Variants in ENOX1 observed in about 807,000 individuals in gnomAD.
The protein encoded by ENOX1 is candidate growth-related and time keeping constitutive hydroquinone (NADH) oxidase.
Under a neutral mutation model 82.5 loss-of-function variants are expected in ENOX1, and 42 were observed. That is an observed-to-expected ratio of 0.51 (90% CI 0.40 to 0.66). ENOX1 has a LOEUF of 0.66. Among genes scored for constraint, ENOX1 ranks in the 30% least tolerant of loss-of-function variants. The pLI is 0.00. For missense variants in ENOX1, 608 were observed against 811.6 expected (o/e 0.75, Z 3.05); for synonymous variants, 271 against 282.2 (o/e 0.96, Z 0.40).
chr13:43,548,847 C>T (rs1367196963), intron 2 of ENOX1, among the ~76,000 whole-genome samples: 1 of 152,170 alleles, frequency 6.6e-6, no homozygotes, highest in East Asian at 1.9e-4. Flanking sequence ...CCTCCTCTTT[C>T]AATCAAAAGC....
In ENOX1 at chr13:43,284,771, G is replaced by GGTGTGTGT. The variant is rs72187459; in HGVS notation, c.1446+13567_1446+13574dup. Among the ~76,000 whole-genome samples the GGTGTGTGT allele has an allele frequency of 2.4e-3, 348 of 143,774 alleles. 2 individuals carry two copies. The highest frequency in any genetic ancestry group is 8.5e-3 in the African/African-American group (327 of 38,662). The allele number at this position is 143,774 out of a possible 152,430, so 94.3% of individuals were successfully genotyped here. A position where few individuals can be genotyped will look rare whatever the true frequency, so the allele number is the denominator to read the frequency against. On this transcript the variant is annotated intron_variant, in intron 12 of 16. Transcript: ENST00000690772. ...AAGGCTGTTGTGGCTATTTGTTAAA[G>GGTGTGTGT]GTGTGTGTGTGTGTGTGTGTGTGTG...
chr13:43,531,642 C>A (rs1317106619), intron 2 of ENOX1, among the ~76,000 whole-genome samples: 1 of 143,314 alleles, frequency 7.0e-6, no homozygotes, highest in African/African-American at 2.6e-5. Flanking sequence ...TATTGTGGCA[C>A]TATTCACAAT....
chr13:43,602,479 T>C (rs2081769077), intron 2 of ENOX1, among the ~76,000 whole-genome samples: 1 of 152,110 alleles, frequency 6.6e-6, no homozygotes, highest in Non-Finnish European at 1.5e-5. Context: ...ATGATATATA[T>C]ACACACAATT....
chr13:43,432,889 AC>A (rs537767782), intron 3 of ENOX1, among the ~76,000 whole-genome samples: 82 of 152,186 alleles, frequency 5.4e-4, no homozygotes, highest in African/African-American at 1.9e-3. Flanking sequence ...TTTGCTAGAT[AC>A]AAATCGTTAA....
At chr13:43,267,150 AG>A (rs2044425002) in intron 13 of ENOX1, among the ~76,000 whole-genome samples, 1 of 152,114 alleles carries the variant, frequency 6.6e-6, no homozygotes, top group Admixed American at 6.5e-5. Context: ...CTCGAGCTGC[AG>A]CTCCAGGACA....
Position 43,298,369 on chromosome 13 carries a change from G to C in ENOX1, c.1423C>G (p.Gln475Glu), listed in dbSNP as rs200737155. The C allele has an allele frequency of 8.1e-6, 13 of 1,609,638 alleles. No individual in the cohort carries two copies. Among genetic ancestry groups the C allele is most frequent in the South Asian group, 6.6e-5 (6 of 90,694 alleles). The change falls in exon 12 of 17, where the codon CAA becomes GAA. Residue 475 changes from glutamine to glutamate, a missense_variant. Coordinates refer to ENST00000690772, the MANE Select transcript of ENOX1 (RefSeq NM_001347969.2). ...ACCTGCTGCATGCCTTGCATGGTTTGCTGCAGAAACTGCAGTTGCTGGTCC... is the reference window on the plus strand; with the variant it reads ...ACCTGCTGCATGCCTTGCATGGTTTCCTGCAGAAACTGCAGTTGCTGGTCC... Reference protein sequence around the residue: ...TKDQQLQFLQQTMQGMQQQLL... With the variant: ...TKDQQLQFLQETMQGMQQQLL...
At chr13:43,687,970 C>G (rs775917799) in intron 1 of ENOX1, among the ~76,000 whole-genome samples, 43 of 151,920 alleles carry the variant, frequency 2.8e-4, no homozygotes, top group Non-Finnish European at 2.4e-4. Flanking sequence ...GACCCAGAAA[C>G]TAGAGAGAAC....
At chr13:43,383,753 G>A (rs181246431) in intron 5 of ENOX1, among the ~76,000 whole-genome samples, 1 of 152,232 alleles carries the variant, frequency 6.6e-6, no homozygotes, top group East Asian at 1.9e-4. Context: ...AATTCTCCTG[G>A]CACTGTGGAG....
At chr13:43,403,611 G>A (rs2053620661) in intron 5 of ENOX1, among the ~76,000 whole-genome samples, 1 of 152,180 alleles carries the variant, frequency 6.6e-6, no homozygotes, top group Non-Finnish European at 1.5e-5. Context: ...GGGAGGCTGA[G>A]GCGGGCAGAT....
At chr13:43,330,091 T>A (rs2048335502) in intron 9 of ENOX1, among the ~76,000 whole-genome samples, 1 of 152,204 alleles carries the variant, frequency 6.6e-6, no homozygotes, top group Non-Finnish European at 1.5e-5. Context: ...AGAGAGGAAG[T>A]CCATGAATTA....
intron 1 of ENOX1, among the ~76,000 whole-genome samples, chr13:43,727,792 G>T: frequency 6.6e-6 from 1 of 151,922 alleles, no homozygotes; most frequent in African/African-American, 2.4e-5. Flanking sequence ...AATACCTTTG[G>T]CTACTAATAT....
intron 1 of ENOX1, among the ~76,000 whole-genome samples, chr13:43,716,244 A>G: frequency 6.6e-6 from 1 of 152,044 alleles, no homozygotes; most frequent in Non-Finnish European, 1.5e-5. Flanking sequence ...TTTGGTGTGG[A>G]TGTCCTTTCT....
chr13:43,274,643 A>C (rs966063031), intron 12 of ENOX1, among the ~76,000 whole-genome samples: 1 of 152,198 alleles, frequency 6.6e-6, no homozygotes, highest in Non-Finnish European at 1.5e-5. Context: ...TGGCAGCGTA[A>C]TTTTAACATT....
intron 12 of ENOX1, among the ~76,000 whole-genome samples, chr13:43,279,824 G>A (rs971037513): frequency 1.3e-5 from 2 of 152,186 alleles, no homozygotes; most frequent in African/African-American, 4.8e-5. Context: ...GAGAAAGGTC[G>A]GTTGTTCAGC....
chr13:43,599,491 A>G (rs1350291589), intron 2 of ENOX1, among the ~76,000 whole-genome samples: 1 of 152,032 alleles, frequency 6.6e-6, no homozygotes, highest in Non-Finnish European at 1.5e-5. Context: ...AGCCCTAACC[A>G]GAGAAAAATC....
chr13:43,317,921 C>T (rs1055647893), intron 11 of ENOX1, among the ~76,000 whole-genome samples: 1 of 151,780 alleles, frequency 6.6e-6, no homozygotes, highest in African/African-American at 2.4e-5. Context: ...AGGAGAATGG[C>T]GTGAACCCGG....
chr13:43,255,076 CA>C (rs2043669434), intron 14 of ENOX1, among the ~76,000 whole-genome samples: 1 of 152,084 alleles, frequency 6.6e-6, no homozygotes, highest in South Asian at 2.1e-4. Flanking sequence ...AATTCAGCAA[CA>C]AATTAAAAAG....
chr13:43,319,990 C>T lies in ENOX1; in HGVS notation c.1261+2394G>A, dbSNP rs555952065. Among the ~76,000 whole-genome samples, 14 of 152,296 alleles carry T rather than the reference C, an allele frequency of 9.2e-5. No homozygotes were observed. The South Asian group carries it at 1.9e-3, about 20-fold the overall frequency. On this transcript the variant is annotated intron_variant, in intron 11 of 16. Transcript: ENST00000690772. ...AGATACCGCTGGAAGGTGTTTCCCT[C>T]GGGCTATGGCCTCCATCCTCCTGCT...
intron 11 of ENOX1, among the ~76,000 whole-genome samples, chr13:43,301,958 G>A (rs1364796214): frequency 2.0e-5 from 3 of 152,124 alleles, no homozygotes; most frequent in Non-Finnish European, 4.4e-5. Flanking sequence ...ATTGGAAAGG[G>A]AAACTTTTTA....
Sources: allele counts gnomAD v4.1 joint callset (sites outside exome capture counted in the v4.1 genomes callset), GRCh38; gene constraint gnomAD v4.1.1; transcripts MANE v1.5; gene names NCBI Gene and HGNC (gene_info 2026-07-23, HGNC 2026-07-21).